The following WWOX variants were observed in gnomAD, a reference collection of about 807,000 sequenced individuals.
WWOX encodes the protein WW domain containing oxidoreductase.
WWOX carries 69 observed loss-of-function variants against 46.2 expected under a neutral mutation model. The ratio of observed to expected loss-of-function variants is 1.49; its 90% CI spans 1.23 to 1.82. WWOX has a LOEUF of 1.82. Among genes scored for constraint, WWOX ranks in the 40% most tolerant of loss-of-function variants. WWOX has a pLI of 0.00. For synonymous variants in WWOX, 359 were observed against 202.6 expected (o/e 1.77, Z -6.56); for missense variants, 919 against 542.6 (o/e 1.69, Z -6.89).
chr16:78,881,522 A>G (rs562155058), intron 8 of WWOX, among the ~76,000 whole-genome samples: 45 of 152,160 alleles, frequency 3.0e-4, no homozygotes, highest in Admixed American at 3.9e-4. Context: ...AGGGCCAACT[A>G]TTTGCCAGGA....
intron 5 of WWOX, among the ~76,000 whole-genome samples, chr16:78,189,402 C>T (rs1340869017): frequency 3.9e-5 from 6 of 152,276 alleles, no homozygotes; most frequent in East Asian, 1.9e-4. Context: ...TTGTCTCCAT[C>T]GCTGTCTTTA....
chr16:78,108,266 T>C (rs1385279593), intron 1 of WWOX, among the ~76,000 whole-genome samples, 157 bp from the exon 2 acceptor site: 3 of 151,230 alleles, frequency 2.0e-5, no homozygotes, highest in African/African-American at 4.9e-5. Context: ...CCTCCTAAAG[T>C]TGACCCCGTA....
intron 8 of WWOX, among the ~76,000 whole-genome samples, chr16:78,630,372 A>G (rs541903917): frequency 3.9e-5 from 6 of 152,260 alleles, no homozygotes; most frequent in African/African-American, 1.4e-4. Flanking sequence ...CACTCTGTCT[A>G]GACTGCTTGT....
chr16:78,539,173 G>A (rs1013152682), intron 8 of WWOX, among the ~76,000 whole-genome samples: 2 of 152,172 alleles, frequency 1.3e-5, no homozygotes, highest in African/African-American at 4.8e-5. Context: ...CCTAGACTTT[G>A]CAGTGCATGA....
intron 8 of WWOX, among the ~76,000 whole-genome samples, chr16:78,764,489 A>T (rs912123660): frequency 1.4e-5 from 2 of 146,764 alleles, no homozygotes; most frequent in East Asian, 4.1e-4. Flanking sequence ...TTTCATCCAA[A>T]CCAGTTACCT....
intron 8 of WWOX, among the ~76,000 whole-genome samples, chr16:78,982,644 A>C (rs1274611377): frequency 6.6e-6 from 1 of 152,210 alleles, no homozygotes; most frequent in Non-Finnish European, 1.5e-5. Flanking sequence ...GGGAAGGACT[A>C]ATATTTCTGG....
chr16:78,626,418 T>C lies in WWOX; in HGVS notation c.1056+193666T>C, dbSNP rs76403254. On this transcript the variant is annotated intron_variant, in intron 8 of 8. Coordinates refer to ENST00000566780, the MANE Select transcript of WWOX (RefSeq NM_016373.4). Reference sequence around the variant, plus strand: ...ACAGCTTTGAGGAGTGCTGGTTGGGTATTCTGTAGGATGCTCCTGTGTTGG... The same window carrying C: ...ACAGCTTTGAGGAGTGCTGGTTGGGCATTCTGTAGGATGCTCCTGTGTTGG... 5.0e-3 allele frequency among the ~76,000 whole-genome samples: 764 copies of C among 152,268 alleles called. 1 individual carries two copies. Among genetic ancestry groups the C allele is most frequent in the Middle Eastern group, 0.014 (4 of 294 alleles).
intron 5 of WWOX, among the ~76,000 whole-genome samples, chr16:78,312,228 C>T (rs1276166320): frequency 1.3e-5 from 2 of 151,412 alleles, no homozygotes; most frequent in Non-Finnish European, 2.9e-5. Context: ...TATAACCTGG[C>T]GTAGTCTCGA....
intron 8 of WWOX, among the ~76,000 whole-genome samples, chr16:78,614,057 A>G (rs979031804): frequency 3.3e-5 from 5 of 152,204 alleles, no homozygotes; most frequent in Admixed American, 6.5e-5. Context: ...TCTTTGCAGA[A>G]AATGCGCTGA....
At chr16:78,755,699 A>C (rs565878748) in intron 8 of WWOX, among the ~76,000 whole-genome samples, 1 of 152,158 alleles carries the variant, frequency 6.6e-6, no homozygotes, top group Non-Finnish European at 1.5e-5. Flanking sequence ...CCATGTGACA[A>C]ATACCCATTT....
chr16:78,949,096 C>T (rs1160368783), intron 8 of WWOX, among the ~76,000 whole-genome samples: 2 of 152,120 alleles, frequency 1.3e-5, no homozygotes, highest in Admixed American at 6.5e-5. Flanking sequence ...GCATGGAAAA[C>T]GGGGACCTCA....
chr16:78,864,305 T>A (rs758992623), intron 8 of WWOX, among the ~76,000 whole-genome samples: 221 of 152,086 alleles, frequency 1.5e-3, no homozygotes, highest in Non-Finnish European at 2.4e-3. Flanking sequence ...CTTGCTCTGT[T>A]GCCCAGGCTG....
At chr16:78,557,354 C>G (rs1272918457) in intron 8 of WWOX, among the ~76,000 whole-genome samples, 1 of 152,202 alleles carries the variant, frequency 6.6e-6, no homozygotes, top group Non-Finnish European at 1.5e-5. Context: ...TTCTCCGCCC[C>G]CCGCACCGGG....
chr16:78,436,180 A>G (rs73572855), intron 8 of WWOX, among the ~76,000 whole-genome samples: 5,107 of 152,236 alleles, frequency 0.034, 176 homozygotes, highest in African/African-American at 0.09. Flanking sequence ...CTTGGTCCCG[A>G]TGATGATTCT....
chr16:78,895,985 A>C (rs2151234699), intron 8 of WWOX: 1 of 152,312 alleles, frequency 6.6e-6, no homozygotes. Context: ...ACTCAATTCC[A>C]CTGTCTTTTT....
At chr16:78,585,869 G>A (rs2045190179) in intron 8 of WWOX, among the ~76,000 whole-genome samples, 1 of 151,702 alleles carries the variant, frequency 6.6e-6, no homozygotes, top group South Asian at 2.1e-4. Context: ...TTATTGTCTT[G>A]TTCTCTCTTC....
chr16:79,130,469 A>T (rs1242548849), intron 8 of WWOX, among the ~76,000 whole-genome samples: 2 of 152,134 alleles, frequency 1.3e-5, no homozygotes, highest in Admixed American at 1.3e-4. Flanking sequence ...AGGGTTAGTA[A>T]AGGCCTCAGA....
At chr16:78,480,668 C>T (rs967799623) in intron 8 of WWOX, among the ~76,000 whole-genome samples, 12 of 152,216 alleles carry the variant, frequency 7.9e-5, no homozygotes, top group African/African-American at 2.4e-4. Context: ...TGCACTGACA[C>T]AGGTACCCTC....
intron 5 of WWOX, among the ~76,000 whole-genome samples, chr16:78,372,040 A>C (rs777653243): frequency 2.6e-5 from 4 of 152,106 alleles, no homozygotes; most frequent in Non-Finnish European, 5.9e-5. Context: ...TTTATATTCC[A>C]CTGGCCAACT....
Sources: gnomAD v4.1 joint callset for allele counts (sites outside exome capture counted in the v4.1 genomes callset) on GRCh38, gnomAD v4.1.1 for gene constraint, MANE v1.5 for transcripts, NCBI Gene and HGNC (gene_info 2026-07-23, HGNC 2026-07-21) for gene names.